RARB: variants seen among roughly 807,000 people sequenced by gnomAD.
RARB encodes retinoic acid receptor beta, also known as HBV-activated protein.
RARB carries 17 observed loss-of-function variants against 51.9 expected under a neutral mutation model. The ratio of observed to expected loss-of-function variants is 0.33; its 90% CI spans 0.22 to 0.49. RARB has a LOEUF of 0.49. Ranked by LOEUF, RARB falls within the 20% of genes least tolerant of loss-of-function variation. RARB has a pLI of 0.99. For missense variants in RARB, 369 were observed against 550.8 expected, an observed-to-expected ratio of 0.67 and a Z score of 3.30; for synonymous variants, 215 against 195.4, an observed-to-expected ratio of 1.10 and a Z score of -0.84.
intron 3 of RARB, among the ~76,000 whole-genome samples, chr3:25,065,580 C>G (rs1228519138): frequency 6.6e-6 from 1 of 152,152 alleles, no homozygotes; most frequent in African/African-American, 2.4e-5. Context: ...AAACACTGAC[C>G]AAGATACAGA....
chr3:25,503,109 A>G (rs1575466644), intron 3 of RARB, among the ~76,000 whole-genome samples: 1 of 109,906 alleles, frequency 9.1e-6, no homozygotes, highest in Non-Finnish European at 1.8e-5. Context: ...GTCACTTTTC[A>G]TCCAGTTCCT....
At chr3:25,219,111 T>C (rs911657888) in intron 5 of RARB, among the ~76,000 whole-genome samples, 9 of 152,182 alleles carry the variant, frequency 5.9e-5, no homozygotes, top group African/African-American at 2.2e-4. Flanking sequence ...CCCTCATTCA[T>C]GGGGAACCAA....
intron 5 of RARB, among the ~76,000 whole-genome samples, chr3:25,364,538 T>C (rs1470946067): frequency 1.3e-5 from 2 of 152,128 alleles, no homozygotes; most frequent in African/African-American, 4.8e-5. Flanking sequence ...GAAAGAACAA[T>C]ATAGACAAAG....
intron 3 of RARB, among the ~76,000 whole-genome samples, chr3:25,563,930 C>T (rs1700374278): frequency 6.8e-6 from 1 of 147,928 alleles, no homozygotes; most frequent in Non-Finnish European, 1.5e-5. Context: ...GACAAAAATA[C>T]CATCAATTGT....
At chr3:24,916,227 A>T (rs905593405) in intron 2 of RARB, among the ~76,000 whole-genome samples, 3 of 152,158 alleles carry the variant, frequency 2.0e-5, no homozygotes, top group Non-Finnish European at 4.4e-5. Context: ...GGAAATATAT[A>T]TCATTTCCCT....
intron 5 of RARB, among the ~76,000 whole-genome samples, chr3:25,373,904 C>T (rs1001770285): frequency 1.3e-5 from 2 of 152,144 alleles, no homozygotes; most frequent in African/African-American, 4.8e-5. Context: ...GGGTAGCTCA[C>T]ACGTGAGAAG....
intron 5 of RARB, among the ~76,000 whole-genome samples, chr3:25,315,044 T>G (rs1484808735): frequency 6.6e-6 from 1 of 152,236 alleles, no homozygotes; most frequent in Non-Finnish European, 1.5e-5. Context: ...TTTTATTCTT[T>G]TTAATGTCTG....
At chr3:24,907,024 C>T (rs2363520) in intron 2 of RARB, among the ~76,000 whole-genome samples, 55,567 of 151,796 alleles carry the variant, frequency 0.37, 12,511 homozygotes, top group Non-Finnish European at 0.49. Context: ...GTAGGAATAT[C>T]TGGGGCTGAG....
At chr3:25,560,520 A>G (rs932440912) in intron 3 of RARB, among the ~76,000 whole-genome samples, 4 of 152,200 alleles carry the variant, frequency 2.6e-5, no homozygotes, top group South Asian at 2.1e-4. Flanking sequence ...TCCCAAGGAC[A>G]TGAGCGTGGC....
At chr3:25,573,512 G>T (rs780138951) in intron 4 of RARB, among the ~76,000 whole-genome samples, 6 of 152,200 alleles carry the variant, frequency 3.9e-5, no homozygotes, top group Non-Finnish European at 8.8e-5. Flanking sequence ...GGTGGAGGGC[G>T]CTCTGAGCCA....
chr3:25,590,949 A>G (rs1263783648), intron 5 of RARB, among the ~76,000 whole-genome samples: 1 of 152,102 alleles, frequency 6.6e-6, no homozygotes, highest in Non-Finnish European at 1.5e-5. Context: ...TCCCACTTTC[A>G]GGGGAAATGT....
chr3:25,230,143 C>G (rs1464465323), intron 5 of RARB, among the ~76,000 whole-genome samples: 1 of 152,084 alleles, frequency 6.6e-6, no homozygotes, highest in African/African-American at 2.4e-5. Flanking sequence ...GTTTCTTCCA[C>G]CATTCTATTT....
intron 2 of RARB, among the ~76,000 whole-genome samples, chr3:24,939,812 A>G (rs1334009330): frequency 6.6e-6 from 1 of 152,226 alleles, no homozygotes; most frequent in Non-Finnish European, 1.5e-5. Context: ...TGCATTCTAC[A>G]TTGAAAGTGC....
At chr3:25,489,451 C>G (rs1424099491) in intron 2 of RARB, among the ~76,000 whole-genome samples, 1 of 152,184 alleles carries the variant, frequency 6.6e-6, no homozygotes, top group East Asian at 1.9e-4. Flanking sequence ...CTTTGCTGAT[C>G]TTCCTTTTCT....
chr3:25,401,083 G>C (rs1707250790), intron 5 of RARB, among the ~76,000 whole-genome samples: 1 of 152,076 alleles, frequency 6.6e-6, no homozygotes, highest in African/African-American at 2.4e-5. Context: ...TTGCCAAAAA[G>C]CAGAATGGAG....
chr3:25,572,500 T>C (rs1700749366), intron 4 of RARB, among the ~76,000 whole-genome samples: 1 of 152,022 alleles, frequency 6.6e-6, no homozygotes, highest in Non-Finnish European at 1.5e-5. Context: ...CAACAAGTGG[T>C]CAGAGGTGAG....
At chr3:25,353,478 TTCTTG>T (rs1705639036) in intron 5 of RARB, among the ~76,000 whole-genome samples, 1 of 152,178 alleles carries the variant, frequency 6.6e-6, no homozygotes, top group African/African-American at 2.4e-5. Context: ...TTTTATTTTT[TTCTTG>T]TCTTATCTGA....
chr3:25,575,307 C>G (rs543424625), intron 4 of RARB, among the ~76,000 whole-genome samples: 1 of 152,172 alleles, frequency 6.6e-6, no homozygotes, highest in African/African-American at 2.4e-5. Context: ...CCGACCAGTA[C>G]CCATCCACGA....
intron 2 of RARB, among the ~76,000 whole-genome samples, chr3:24,906,794 G>A (rs1200070039): frequency 7.2e-6 from 1 of 138,298 alleles, no homozygotes. Flanking sequence ...GCAGTGAGCT[G>A]AGATTGTGCC....
Sources: gnomAD v4.1 joint callset for allele counts (sites outside exome capture counted in the v4.1 genomes callset) on GRCh38, gnomAD v4.1.1 for gene constraint, MANE v1.5 for transcripts, NCBI Gene and HGNC (gene_info 2026-07-23, HGNC 2026-07-21) for gene names.